GRIK2: variants seen among roughly 807,000 people sequenced by gnomAD.
GRIK2 encodes the protein glutamate ionotropic receptor kainate type subunit 2.
In GRIK2, 32 loss-of-function variants were observed where a neutral mutation model predicts 100.3. The ratio of observed to expected loss-of-function variants is 0.32; its 90% CI spans 0.24 to 0.43. The LOEUF (loss-of-function observed/expected upper bound fraction) is 0.43, where lower values mean the gene tolerates loss of function less well. Ranked by LOEUF, GRIK2 falls within the 20% of genes least tolerant of loss-of-function variation. The pLI is 1.00. For missense variants in GRIK2, 843 were observed against 1,114.9 expected, an observed-to-expected ratio of 0.76 and a Z score of 3.47; for synonymous variants, 417 against 389.4, an observed-to-expected ratio of 1.07 and a Z score of -0.83.
At chr6:101,480,432 A>G (rs1271716907) in intron 2 of GRIK2, among the ~76,000 whole-genome samples, 1 of 151,914 alleles carries the variant, frequency 6.6e-6, no homozygotes, top group South Asian at 2.1e-4. Context: ...TTAGCATCCT[A>G]TCTTTCTCTT....
chr6:101,847,288 C>A (rs1252297503), intron 10 of GRIK2, among the ~76,000 whole-genome samples: 1 of 151,976 alleles, frequency 6.6e-6, no homozygotes, highest in Non-Finnish European at 1.5e-5. Flanking sequence ...CTATTAATTT[C>A]TTTGTTCCTG....
chr6:101,949,690 T>C (rs1791495590), intron 14 of GRIK2, among the ~76,000 whole-genome samples: 1 of 152,184 alleles, frequency 6.6e-6, no homozygotes, highest in Admixed American at 6.6e-5. Flanking sequence ...AAACTCATCC[T>C]TTTTTATGGC....
At chr6:101,502,080 A>G (rs2128274014) in intron 2 of GRIK2, among the ~76,000 whole-genome samples, 1 of 152,308 alleles carries the variant, frequency 6.6e-6, no homozygotes, top group Non-Finnish European at 1.5e-5. Context: ...CATCTGTAAT[A>G]TTGTGATAAT....
chr6:101,727,824 A>G (rs2128369106), intron 7 of GRIK2, among the ~76,000 whole-genome samples: 1 of 152,218 alleles, frequency 6.6e-6, no homozygotes, highest in Non-Finnish European at 1.5e-5. Flanking sequence ...ACATACAATG[A>G]CATAGCCTAT....
intron 2 of GRIK2, among the ~76,000 whole-genome samples, chr6:101,486,127 G>GAAT (rs1772813217): frequency 1.3e-5 from 2 of 152,074 alleles, no homozygotes; most frequent in Admixed American, 6.6e-5. Flanking sequence ...ATTGACTGAG[G>GAAT]AATACCATGC....
chr6:101,812,540 T>TTTATAC (rs397803071), intron 9 of GRIK2, among the ~76,000 whole-genome samples: 1 of 151,840 alleles, frequency 6.6e-6, no homozygotes, highest in Non-Finnish European at 1.5e-5. Context: ...ATTGGTTATA[T>TTTATAC]AACCAGTATG....
At chr6:101,568,795 CTT>C (rs1230327777) in intron 2 of GRIK2, among the ~76,000 whole-genome samples, 12 of 152,004 alleles carry the variant, frequency 7.9e-5, no homozygotes, top group Middle Eastern at 3.4e-3. Flanking sequence ...TATTTTAAAA[CTT>C]TTTGGTTTTT....
chr6:101,503,346 G>A (rs1773863144), intron 2 of GRIK2, among the ~76,000 whole-genome samples: 2 of 152,054 alleles, frequency 1.3e-5, no homozygotes, highest in Non-Finnish European at 2.9e-5. Flanking sequence ...AAGACATTTG[G>A]CTATGAATAG....
intron 7 of GRIK2, among the ~76,000 whole-genome samples, chr6:101,736,261 G>A (rs1023874048): frequency 1.3e-5 from 2 of 152,132 alleles, no homozygotes; most frequent in African/African-American, 4.8e-5. Context: ...ATCATTCTGG[G>A]GTCTGGAGGA....
At chr6:101,643,606 G>T (rs769585500) in intron 4 of GRIK2, among the ~76,000 whole-genome samples, 1 of 151,628 alleles carries the variant, frequency 6.6e-6, no homozygotes, top group Non-Finnish European at 1.5e-5. Context: ...CTGCCTTTGT[G>T]CCAGTATCAT....
chr6:101,447,362 T>C (rs1035091880), intron 2 of GRIK2, among the ~76,000 whole-genome samples: 3 of 151,744 alleles, frequency 2.0e-5, no homozygotes, highest in African/African-American at 7.2e-5. Context: ...CCAGTAATTC[T>C]AAGTCTACAT....
chr6:101,884,916 G>T (rs2128455272), intron 11 of GRIK2, among the ~76,000 whole-genome samples: 1 of 152,176 alleles, frequency 6.6e-6, no homozygotes, highest in African/African-American at 2.4e-5. Context: ...CACATAGAAT[G>T]GTGGAATATT....
chr6:101,719,719 G>A (rs1774340818), intron 7 of GRIK2, among the ~76,000 whole-genome samples: 1 of 151,986 alleles, frequency 6.6e-6, no homozygotes, highest in Non-Finnish European at 1.5e-5. Context: ...GCCAGCATAG[G>A]AGGCGATTAA....
At chr6:101,775,263 A>T (rs1393604182) in intron 7 of GRIK2, among the ~76,000 whole-genome samples, 1 of 152,114 alleles carries the variant, frequency 6.6e-6, no homozygotes, top group Non-Finnish European at 1.5e-5. Flanking sequence ...GTTTGGAGAG[A>T]CATAGACATT....
At chr6:101,862,469 C>G (rs1784786059) in intron 11 of GRIK2, among the ~76,000 whole-genome samples, 1 of 152,224 alleles carries the variant, frequency 6.6e-6, no homozygotes, top group South Asian at 2.1e-4. Flanking sequence ...CTTTCTGTGA[C>G]TTAGACTAGG....
chr6:101,621,076 A>C lies in GRIK2; in HGVS notation c.116-873A>C, dbSNP rs569791265. 2.0e-5 allele frequency among the ~76,000 whole-genome samples: 3 copies of C among 152,324 alleles called. No individual in the cohort carries two copies. In the South Asian group the frequency reaches 6.2e-4, roughly 32 times the overall value. On this transcript the variant is annotated intron_variant, in intron 2 of 16. Coordinates refer to ENST00000369134, the MANE Select transcript of GRIK2 (RefSeq NM_021956.5). The stretch of plus-strand genomic sequence containing the variant: ...TCATAAATGTCAAGTGTCTTCTTAA[A>C]AGGGACTTAGAATAAAGCAACTAGC...
chr6:101,629,463 C>T (rs1051217280), intron 4 of GRIK2, among the ~76,000 whole-genome samples: 1 of 152,064 alleles, frequency 6.6e-6, no homozygotes, highest in African/African-American at 2.4e-5. Context: ...AACAAAGGCC[C>T]AGCCCTTGTT....
chr6:101,755,818 C>G (rs1777102195), intron 7 of GRIK2, among the ~76,000 whole-genome samples: 1 of 152,178 alleles, frequency 6.6e-6, no homozygotes, highest in South Asian at 2.1e-4. Context: ...TATTCTCTTA[C>G]AGATGTGTCT....
intron 2 of GRIK2, among the ~76,000 whole-genome samples, chr6:101,426,987 C>A (rs1769058795): frequency 6.6e-6 from 1 of 152,162 alleles, no homozygotes; most frequent in Non-Finnish European, 1.5e-5. Context: ...CTGTAAAGCA[C>A]AGACACATAT....
Sources: gnomAD v4.1 joint callset for allele counts (sites outside exome capture counted in the v4.1 genomes callset) on GRCh38, gnomAD v4.1.1 for gene constraint, MANE v1.5 for transcripts, NCBI Gene and HGNC (gene_info 2026-07-23, HGNC 2026-07-21) for gene names.